Variants in ADCY8 observed in about 807,000 individuals in gnomAD.
ADCY8 encodes the protein adenylate cyclase type 8.
ADCY8 carries 51 observed loss-of-function variants against 119.7 expected under a neutral mutation model. The observed-to-expected ratio is 0.43, with a 90% CI of 0.34 to 0.54. ADCY8 has a LOEUF of 0.54. ADCY8 is among the 20% of genes least tolerant of loss of function. The pLI, the probability that ADCY8 is intolerant of heterozygous loss-of-function variation, is 0.03. For synonymous variants in ADCY8, 665 were observed against 651.0 expected (o/e 1.02, Z -0.33); for missense variants, 1,383 against 1,598.8 (o/e 0.87, Z 2.30).
At chr8:130,978,292 C>T (rs1822135077) in intron 2 of ADCY8, among the ~76,000 whole-genome samples, 1 of 151,946 alleles carries the variant, frequency 6.6e-6, no homozygotes, top group Non-Finnish European at 1.5e-5. Flanking sequence ...AGACATGGCT[C>T]CCATAAATCT....
chr8:130,815,088 A>G (rs192573711), intron 13 of ADCY8, among the ~76,000 whole-genome samples: 6 of 152,260 alleles, frequency 3.9e-5, no homozygotes, highest in Admixed American at 3.9e-4. Context: ...AGGAAGAGAC[A>G]TGAGAACACT....
chr8:130,959,954 G>T (rs889270103), intron 2 of ADCY8, among the ~76,000 whole-genome samples: 1 of 152,174 alleles, frequency 6.6e-6, no homozygotes, highest in African/African-American at 2.4e-5. Context: ...TCAGAGAAAT[G>T]ATCACATTTA....
At chr8:130,937,257 A>C (rs1820816332) in intron 4 of ADCY8, 57 bp from the exon 5 acceptor site, 3 of 1,562,416 alleles carry the variant, frequency 1.9e-6, no homozygotes, top group Non-Finnish European at 2.6e-6. Context: ...TCAGTTCTTC[A>C]GAAAGGCTTG....
chr8:130,841,896 A>G (rs79767592), intron 11 of ADCY8, among the ~76,000 whole-genome samples: 1,885 of 152,308 alleles, frequency 0.012, 17 homozygotes, highest in Middle Eastern at 0.024. Context: ...TGTCCAGGCA[A>G]ATGACAGAAG....
intron 8 of ADCY8, among the ~76,000 whole-genome samples, chr8:130,878,552 C>A (rs1818650300): frequency 6.6e-6 from 1 of 152,098 alleles, no homozygotes; most frequent in African/African-American, 2.4e-5. Flanking sequence ...CATGCTCAAT[C>A]AAGGACAGAG....
chr8:130,940,555 C>T (rs1338603230), intron 4 of ADCY8, among the ~76,000 whole-genome samples: 1 of 151,862 alleles, frequency 6.6e-6, no homozygotes, highest in Non-Finnish European at 1.5e-5. Flanking sequence ...ACATTAAAGG[C>T]CTGGATTCTT....
At chr8:130,905,153 T>C (rs748460296) in intron 6 of ADCY8, among the ~76,000 whole-genome samples, 1 of 152,228 alleles carries the variant, frequency 6.6e-6, no homozygotes, top group African/African-American at 2.4e-5. Context: ...TGGTACAACA[T>C]ATACACTATA....
intron 7 of ADCY8, among the ~76,000 whole-genome samples, chr8:130,900,741 C>T (rs150696533): frequency 2.6e-5 from 4 of 152,314 alleles, no homozygotes; most frequent in African/African-American, 9.6e-5. Flanking sequence ...TCTTCTTGTT[C>T]CTTAATTTTA....
At chr8:130,904,211 G>T (rs905006306) in intron 6 of ADCY8, among the ~76,000 whole-genome samples, 169 bp from the exon 7 acceptor site, 1 of 152,182 alleles carries the variant, frequency 6.6e-6, no homozygotes, top group Non-Finnish European at 1.5e-5. Context: ...AAAGAAAATA[G>T]AAGCATAAAT....
intron 7 of ADCY8, among the ~76,000 whole-genome samples, chr8:130,901,372 GAC>G (rs1359999718): frequency 1.3e-5 from 2 of 151,108 alleles, no homozygotes; most frequent in African/African-American, 4.9e-5. Flanking sequence ...CACAGAATAT[GAC>G]ACAGCAATTT....
chr8:130,934,667 G>T (rs150910412), intron 5 of ADCY8, among the ~76,000 whole-genome samples: 71 of 152,288 alleles, frequency 4.7e-4, no homozygotes, highest in African/African-American at 1.6e-3. Context: ...AAAAACATCT[G>T]CAGCCTTTTC....
At chr8:130,824,225 C>G (rs560010758) in intron 12 of ADCY8, among the ~76,000 whole-genome samples, 1 of 152,282 alleles carries the variant, frequency 6.6e-6, no homozygotes, top group African/African-American at 2.4e-5. Flanking sequence ...TTGAATTTAT[C>G]TTTTATTCTG....
At chr8:130,947,815 G>A (rs1821148472) in intron 3 of ADCY8, among the ~76,000 whole-genome samples, 1 of 152,176 alleles carries the variant, frequency 6.6e-6, no homozygotes, top group African/African-American at 2.4e-5. Flanking sequence ...AGGGCCAATA[G>A]GAAATGGGAA....
At chr8:130,870,760 T>G (rs1181775253) in intron 8 of ADCY8, among the ~76,000 whole-genome samples, 3 of 152,166 alleles carry the variant, frequency 2.0e-5, no homozygotes, top group Non-Finnish European at 4.4e-5. Context: ...AGACTAAAGT[T>G]GCGTAAGATA....
rs746086497 is a variant in ADCY8, at chr8:130,780,778, C to T, written c.3368G>A (p.Ser1123Asn). The change falls in exon 18 of 18, where the codon AGC (serine) becomes AAC (asparagine). Residue 1123 changes from serine to asparagine, a missense_variant. Physicochemically the swap from Ser to Asn is conservative, Grantham distance 46 (BLOSUM62 1). Coordinates refer to ENST00000286355, the MANE Select transcript of ADCY8 (RefSeq NM_001115.3). ...KTVNLASRMD[S>N]TGVSGRIQVP... is the part of the protein sequence containing the mutation. ...TTGGATCCGGCCACTAACCCCCGTG[C>T]TGTCCATTCGGCTTGCCAGGTTCAC... 4.3e-6 allele frequency: 7 copies of T among 1,614,232 alleles called. No homozygotes were observed. The highest frequency in any genetic ancestry group is 5.9e-6 in the Non-Finnish European group (7 of 1,180,030).
In ADCY8 at chr8:130,992,382, C is replaced by CATATATATATAT. The variant is rs1161136558; in HGVS notation, c.961-1852_961-1841dup. ...TACATACATGAGCAACTGTATCTGGCATATATATATATATATATATATATA... is the reference window on the plus strand; with the variant it reads ...TACATACATGAGCAACTGTATCTGGCATATATATATATATATATATATATATATATATATATA... On this transcript the variant is annotated intron_variant, in intron 1 of 17. Transcript: ENST00000286355. Among the ~76,000 whole-genome samples the CATATATATATAT allele has an allele frequency of 1.9e-3, 151 of 78,052 alleles. 24 individuals are homozygous for CATATATATATAT. The highest frequency in any genetic ancestry group is 5.2e-3 in the African/African-American group (98 of 18,750). The allele number at this position is 78,052 out of a possible 152,430, so 51.2% of individuals were successfully genotyped here.
intron 2 of ADCY8, among the ~76,000 whole-genome samples, chr8:130,970,415 C>G (rs1280476919): frequency 2.0e-5 from 3 of 152,210 alleles, no homozygotes; most frequent in Non-Finnish European, 4.4e-5. Context: ...GATGATTTAT[C>G]ACTGTCTCTC....
At chr8:131,009,783 G>A (rs1315630054) in intron 1 of ADCY8, among the ~76,000 whole-genome samples, 2 of 152,208 alleles carry the variant, frequency 1.3e-5, no homozygotes, top group Non-Finnish European at 1.5e-5. Context: ...CATGAATAAT[G>A]TATAGAAGTT....
intron 10 of ADCY8, 90 bp downstream of exon 10, chr8:130,849,512 G>T (rs777919595): frequency 4.8e-5 from 64 of 1,347,242 alleles, no homozygotes; most frequent in Non-Finnish European, 6.6e-5. Flanking sequence ...TGGTACCAAG[G>T]AAGGGTAATG....
Sources: allele counts gnomAD v4.1 joint callset (sites outside exome capture counted in the v4.1 genomes callset), GRCh38; gene constraint gnomAD v4.1.1; transcripts MANE v1.5; gene names NCBI Gene and HGNC (gene_info 2026-07-23, HGNC 2026-07-21).